SGCZ: variants seen among roughly 807,000 people sequenced by gnomAD.
SGCZ encodes zeta-sarcoglycan.
A neutral mutation model predicts 41.3 loss-of-function variants in SGCZ; 40 were observed. The observed-to-expected ratio is 0.97, with a 90% confidence interval of 0.75 to 1.26. The LOEUF is 1.26. SGCZ is among the 50% of genes most tolerant of loss of function. The pLI is 0.00. For missense variants in SGCZ, 552 were observed against 369.8 expected (o/e 1.49, Z -4.04); for synonymous variants, 206 against 137.5 (o/e 1.50, Z -3.49).
At chr8:15,220,186 C>T (rs1228513043) in intron 1 of SGCZ, among the ~76,000 whole-genome samples, 1 of 152,026 alleles carries the variant, frequency 6.6e-6, no homozygotes, top group African/African-American at 2.4e-5. Context: ...TATACTAAAA[C>T]CAAAAGTTTT....
intron 1 of SGCZ, among the ~76,000 whole-genome samples, chr8:15,221,737 CT>C (rs1352334481): frequency 6.6e-6 from 1 of 152,002 alleles, no homozygotes; most frequent in Admixed American, 6.6e-5. Context: ...CCATTTTACA[CT>C]TTTTTTTAAA....
chr8:14,203,251 A>G (rs1038700457), intron 4 of SGCZ, among the ~76,000 whole-genome samples: 1 of 152,260 alleles, frequency 6.6e-6, no homozygotes, highest in African/African-American at 2.4e-5. Context: ...CTATAAAGAC[A>G]CATTAAATAG....
intron 3 of SGCZ, among the ~76,000 whole-genome samples, chr8:14,310,784 T>G (rs1218238857): frequency 1.3e-5 from 2 of 152,168 alleles, no homozygotes; most frequent in Non-Finnish European, 2.9e-5. Flanking sequence ...TTTTGTGGTG[T>G]CTTCCATGTG....
intron 3 of SGCZ, among the ~76,000 whole-genome samples, chr8:14,288,685 G>A (rs1327566128): frequency 6.6e-6 from 1 of 152,072 alleles, no homozygotes; most frequent in Non-Finnish European, 1.5e-5. Flanking sequence ...TCCATCCACT[G>A]ATGGACATTT....
chr8:15,004,906 C>G (rs1199271553), intron 1 of SGCZ, among the ~76,000 whole-genome samples: 1 of 152,112 alleles, frequency 6.6e-6, no homozygotes. Context: ...AGATTCTCAC[C>G]ACTGCCACAC....
At chr8:14,958,762 G>T (rs1343884548) in intron 1 of SGCZ, among the ~76,000 whole-genome samples, 3 of 151,966 alleles carry the variant, frequency 2.0e-5, no homozygotes, top group African/African-American at 4.8e-5. Flanking sequence ...CTATGATGTT[G>T]CATGCTTAAA....
chr8:14,551,543 A>ATATATATAATATATATAT (rs1803845377), intron 2 of SGCZ, among the ~76,000 whole-genome samples: 1 of 3,730 alleles, frequency 2.7e-4, no homozygotes, highest in African/African-American at 6.4e-4. Flanking sequence ...AATATATATA[A>ATATATATAATATATATAT]TATATATAAT....
intron 1 of SGCZ, among the ~76,000 whole-genome samples, chr8:14,657,159 G>T (rs1807603868): frequency 6.6e-6 from 1 of 151,900 alleles, no homozygotes; most frequent in African/African-American, 2.4e-5. Context: ...TTCCTTTTGT[G>T]TTCAGTCTTC....
chr8:14,229,362 CAA>C (rs1806482334), intron 4 of SGCZ, among the ~76,000 whole-genome samples: 1 of 151,984 alleles, frequency 6.6e-6, no homozygotes, highest in African/African-American at 2.4e-5. Context: ...ACCTGAGTTA[CAA>C]AGACTGAGAG....
intron 1 of SGCZ, among the ~76,000 whole-genome samples, chr8:14,802,787 G>C (rs1346091023): frequency 6.6e-6 from 1 of 152,190 alleles, no homozygotes; most frequent in East Asian, 1.9e-4. Flanking sequence ...GCTTAGATGA[G>C]ATAAAGAGGA....
At chr8:14,722,126 T>G (rs893782244) in intron 1 of SGCZ, among the ~76,000 whole-genome samples, 1 of 152,170 alleles carries the variant, frequency 6.6e-6, no homozygotes, top group Non-Finnish European at 1.5e-5. Flanking sequence ...CTCTTCTACT[T>G]TTTCTGCTCA....
chr8:14,389,476 GAA>G (rs34141720), intron 2 of SGCZ, among the ~76,000 whole-genome samples: 4 of 131,910 alleles, frequency 3.0e-5, no homozygotes, highest in East Asian at 2.2e-4. Flanking sequence ...AACCTGACAG[GAA>G]AAAAAAAAAA....
intron 1 of SGCZ, among the ~76,000 whole-genome samples, chr8:15,013,565 A>G (rs1459809146): frequency 6.6e-6 from 1 of 151,962 alleles, no homozygotes; most frequent in Admixed American, 6.6e-5. Flanking sequence ...CTCTATAGGT[A>G]TCTAAAAGCT....
At chr8:15,042,018 C>T (rs559387273) in intron 1 of SGCZ, among the ~76,000 whole-genome samples, 1 of 152,106 alleles carries the variant, frequency 6.6e-6, no homozygotes, top group Admixed American at 6.5e-5. Context: ...TATGTATATT[C>T]TTTGGGTTTA....
chr8:14,266,436 C>T, intron 3 of SGCZ, among the ~76,000 whole-genome samples: 1 of 151,952 alleles, frequency 6.6e-6, no homozygotes, highest in Non-Finnish European at 1.5e-5. Flanking sequence ...AAGTGTTTTT[C>T]TCAAGACATG....
chr8:14,873,691 C>T (rs1330737019), intron 1 of SGCZ, among the ~76,000 whole-genome samples: 1 of 152,090 alleles, frequency 6.6e-6, no homozygotes, highest in East Asian at 1.9e-4. Context: ...TAGGTCAACT[C>T]TCATTGGAAG....
At chr8:14,248,908 C>G (rs1799194441) in intron 3 of SGCZ, among the ~76,000 whole-genome samples, 1 of 151,896 alleles carries the variant, frequency 6.6e-6, no homozygotes, top group Non-Finnish European at 1.5e-5. Flanking sequence ...ATATTTATGA[C>G]AAATATGTTT....
chr8:14,364,980 A>G (rs2076585756), intron 2 of SGCZ, among the ~76,000 whole-genome samples: 1 of 152,166 alleles, frequency 6.6e-6, no homozygotes, highest in South Asian at 2.1e-4. Flanking sequence ...TGTTTCATCT[A>G]TCAGATTTGT....
At chr8:14,100,721 A>AGGAAGTAAATGTATAATTACAAT in intron 7 of SGCZ, among the ~76,000 whole-genome samples, 1 of 151,164 alleles carries the variant, frequency 6.6e-6, no homozygotes, top group Non-Finnish European at 1.5e-5. Context: ...GTTTTTAAAA[A>AGGAAGTAAATGTATAATTACAAT]GGAAGTAAAT....
Sources: gnomAD v4.1 joint callset for allele counts (sites outside exome capture counted in the v4.1 genomes callset) on GRCh38, gnomAD v4.1.1 for gene constraint, MANE v1.5 for transcripts, NCBI Gene and HGNC (gene_info 2026-07-23, HGNC 2026-07-21) for gene names.